POM121: variants seen among roughly 807,000 people sequenced by gnomAD.
POM121 encodes the protein POM121 transmembrane nucleoporin.
POM121 carries 32 observed loss-of-function variants against 81.3 expected under a neutral mutation model. The ratio of observed to expected loss-of-function variants is 0.39; its 90% CI spans 0.30 to 0.53. The LOEUF (loss-of-function observed/expected upper bound fraction) is 0.53. Among genes scored for constraint, POM121 ranks in the 20% least tolerant of loss-of-function variants. The pLI is 0.66. For missense variants in POM121, 1,138 were observed against 1,614.6 expected (o/e 0.70, Z 5.06); for synonymous variants, 514 against 694.2 (o/e 0.74, Z 4.08).
intron 11 of POM121, 28 bp downstream of exon 11, chr7:72,943,550 C>T (rs782121706): frequency 3.1e-5 from 49 of 1,600,402 alleles, no homozygotes; most frequent in Non-Finnish European, 3.5e-5. Flanking sequence ...CTTGGGCTAC[C>T]GGGCCGGACA....
chr7:72,945,078 G>C (rs6943251), intron 11 of POM121, among the ~76,000 whole-genome samples: 1,536 of 152,168 alleles, frequency 0.01, 14 homozygotes, highest in African/African-American at 0.035. Flanking sequence ...CAAGCCCTGA[G>C]AGCAGCCATC....
At position 72,928,380 on chromosome 7, in the gene POM121, C is replaced by T. The variant is rs376306578; in HGVS notation, c.1023-5C>T. On this transcript the variant is annotated splice_region_variant and splice_polypyrimidine_tract_variant and intron_variant, in intron 3 of 12. Transcript: ENST00000434423. ...TTTCATTGAGACTTTTTTGATTTGTCGCAGGCGCCATGATAGCAGTGGCAG... is the reference window on the plus strand; with the variant it reads ...TTTCATTGAGACTTTTTTGATTTGTTGCAGGCGCCATGATAGCAGTGGCAG... 35 of 1,613,800 alleles carry T rather than the reference C, an allele frequency of 2.2e-5. No homozygotes were observed. The highest frequency in any genetic ancestry group is 6.7e-5 in the East Asian group (3 of 44,894).
At position 72,879,998 on chromosome 7, in the gene POM121, CAT is replaced by C. The variant is rs568035999; in HGVS notation, c.-521+114_-521+115del. On this transcript the variant is annotated intron_variant, in intron 1 of 15. Coordinates refer to the POM121 transcript ENST00000395270. ...GCGTCCCGATTGCTTGCCGGAGAGA[CAT>C]GTGTTGGGTTTGAGGGCAAGGTCCG... The C allele has an allele frequency of 1.2e-3, 449 of 381,566 alleles. 2 individuals are homozygous for C. Among genetic ancestry groups the C allele is most frequent in the Middle Eastern group, 9.4e-3 (10 of 1,062 alleles). 23.6% of individuals were successfully genotyped at this position (381,566 alleles called of 1,614,324 possible).
At chr7:72,904,219 C>T (rs555387814) in intron 3 of POM121, among the ~76,000 whole-genome samples, 19 of 152,340 alleles carry the variant, frequency 1.2e-4, no homozygotes, top group African/African-American at 4.6e-4. Flanking sequence ...ATGTGCTCTG[C>T]ACTCAGCATG....
Position 72,925,661 on chromosome 7 carries a change from ACCGCCGCGCTCC to A in POM121, c.543_554del (p.Arg183_Pro186del). On this transcript the variant is annotated inframe_deletion, in exon 1 of 13. Coordinates refer to ENST00000434423, the MANE Select transcript of POM121 (RefSeq NM_001387691.1). The stretch of plus-strand genomic sequence containing the variant: ...CGCGCTCCCCACCGCCGCGCTCCCC[ACCGCCGCGCTCC>A]CCCCCGCCCTCCCCGCCGACCCATC... 8.0e-6 allele frequency: 1 copy of A among 125,184 alleles called. No homozygotes were observed. The highest frequency in any genetic ancestry group is 5.5e-4 in the Admixed American group (1 of 1,816). 7.8% of individuals were successfully genotyped at this position (125,184 alleles called of 1,614,324 possible).
intron 4 of POM121, among the ~76,000 whole-genome samples, chr7:72,918,819 A>G (rs1212473959): frequency 6.6e-5 from 10 of 151,584 alleles, no homozygotes; most frequent in African/African-American, 2.4e-4. Context: ...TTTTTTTGAG[A>G]TGGAGTTGTC....
At chr7:72,888,675 A>AGTGTGTGTGTGTGTGTGTGT (rs57062510) in intron 1 of POM121, among the ~76,000 whole-genome samples, 28 of 143,430 alleles carry the variant, frequency 2.0e-4, no homozygotes, top group African/African-American at 6.6e-4. Flanking sequence ...GAGGCATAAG[A>AGTGTGTGTGTGTGTGTGTGT]GTGTGTGTGT....
intron 12 of POM121, 85 bp from the exon 13 acceptor site, chr7:72,946,052 G>A: frequency 6.4e-7 from 1 of 1,552,780 alleles, no homozygotes; most frequent in Non-Finnish European, 8.7e-7. Flanking sequence ...TTTTATTACT[G>A]GCCTGGCCTT....
Position 72,930,112 on chromosome 7 carries a change from G to T in POM121, c.1275+1G>T. 6.2e-7 allele frequency: 1 copy of T among 1,606,350 alleles called. No individual in the cohort carries two copies. Among genetic ancestry groups the T allele is most frequent in the Non-Finnish European group, 8.5e-7 (1 of 1,175,214 alleles). On this transcript the variant is annotated splice_donor_variant, in intron 5 of 12. Transcript: ENST00000434423. LOFTEE classifies it high-confidence loss of function. ...CAGCTCCACTCGAGGCATCTCACAG[G>T]TACAAGTACAGCTCTTTTAATGTGG... is the stretch of plus-strand genomic sequence containing the variant.
intron 1 of POM121, among the ~76,000 whole-genome samples, chr7:72,880,357 C>T (rs1790016535): frequency 6.6e-6 from 1 of 152,188 alleles, no homozygotes; most frequent in East Asian, 1.9e-4. Context: ...TTGACCAGGT[C>T]ACCGGCTTTG....
Position 72,932,790 on chromosome 7 carries a change from G to T in POM121, c.1275+2679G>T, listed in dbSNP as rs550638057. ...ATCTAAGACAGGCGTGGCAGCTCAT[G>T]CCTGTAATCCCAGCACTTTGAGAGG... On this transcript the variant is annotated intron_variant, in intron 5 of 12. Coordinates refer to ENST00000434423, the MANE Select transcript of POM121 (RefSeq NM_001387691.1). Among the ~76,000 whole-genome samples, 10 of 151,990 alleles carry T rather than the reference G, an allele frequency of 6.6e-5. No homozygotes were observed. The East Asian group carries it at 1.9e-3, about 29-fold the overall frequency.
chr7:72,925,018 T>A (rs535141878), upstream of POM121: 648 of 1,329,200 alleles, frequency 4.9e-4, 1 homozygote, highest in Non-Finnish European at 5.7e-4. Flanking sequence ...GGCGGTAGCG[T>A]CTCCCGGAGT....
chr7:72,925,906 G>A, intron 1 of POM121, 141 bp downstream of exon 1: 2 of 1,098,110 alleles, frequency 1.8e-6, no homozygotes, highest in Non-Finnish European at 2.5e-6. Flanking sequence ...ACCTTGGTGT[G>A]TGCCAGCTGT....
At chr7:72,894,674 A>AGATCTC in intron 3 of POM121, among the ~76,000 whole-genome samples, 1 of 148,714 alleles carries the variant, frequency 6.7e-6, no homozygotes, top group East Asian at 2.0e-4. Context: ...AGAGAGAGAG[A>AGATCTC]GAGAGAGATC....
intron 3 of POM121, among the ~76,000 whole-genome samples, chr7:72,903,851 G>A (rs1432416572): frequency 2.0e-5 from 3 of 152,154 alleles, no homozygotes; most frequent in African/African-American, 4.8e-5. Flanking sequence ...GCACGATCTC[G>A]GCTCACTGCA....
Position 72,896,304 on chromosome 7 carries a change from A to G in POM121, c.-216+5194A>G, listed in dbSNP as rs3973798. Among the ~76,000 whole-genome samples, 936 of 151,696 alleles carry G rather than the reference A, an allele frequency of 6.2e-3. 5 individuals are homozygous for G. Among genetic ancestry groups the G allele is most frequent in the African/African-American group, 0.01 (426 of 41,416 alleles). On this transcript the variant is annotated intron_variant, in intron 3 of 15. Transcript: ENST00000395270. ...GTTCGAGGTCAGCCTGGGCAACATA[A>G]GGAGACCTCATTTCTACAAAAAAAT...
intron 1 of POM121, among the ~76,000 whole-genome samples, chr7:72,887,969 A>C (rs1437992691): frequency 2.0e-5 from 3 of 152,116 alleles, no homozygotes; most frequent in Non-Finnish European, 4.4e-5. Flanking sequence ...AGTACTTGTT[A>C]ATTTATCACA....
At position 72,925,746 on chromosome 7, in the gene POM121, TC is replaced by T; in HGVS notation, c.627del (p.Arg210GlyfsTer16). 8.4e-7 allele frequency: 1 copy of T among 1,191,220 alleles called. No individual in the cohort carries two copies. The highest frequency in any genetic ancestry group is 1.0e-6 in the Non-Finnish European group (1 of 957,086). The allele number at this position is 1,191,220 out of a possible 1,614,324, so 73.8% of individuals were successfully genotyped here. On this transcript the variant is annotated frameshift_variant, in exon 1 of 13. Transcript: ENST00000434423. LOFTEE classifies it high-confidence loss of function. ...PSLPTPLLRP[S>X]RRPSPRDCGT... is the part of the protein sequence containing the mutation. The stretch of plus-strand genomic sequence containing the variant: ...TCTGCCCACTCCTCTTCTCCGACCC[TC>T]CAGGAGGCCTTCCCCACGGTAAGAT...
At chr7:72,901,577 A>T (rs1354517519) in intron 3 of POM121, among the ~76,000 whole-genome samples, 3 of 150,640 alleles carry the variant, frequency 2.0e-5, no homozygotes, top group Non-Finnish European at 4.4e-5. Flanking sequence ...CTGGTTTCGA[A>T]CTCCTGACCT....
Sources: allele counts gnomAD v4.1 joint callset (sites outside exome capture counted in the v4.1 genomes callset), GRCh38; gene constraint gnomAD v4.1.1; transcripts MANE v1.5; gene names NCBI Gene and HGNC (gene_info 2026-07-23, HGNC 2026-07-21).